Variants in CNTNAP3 observed in about 807,000 individuals in gnomAD.
The protein encoded by CNTNAP3 is contactin-associated protein-like 3.
CNTNAP3 carries 36 observed loss-of-function variants against 92.1 expected under a neutral mutation model. The ratio of observed to expected loss-of-function variants is 0.39; its 90% CI spans 0.30 to 0.52. The LOEUF (loss-of-function observed/expected upper bound fraction) is 0.52. CNTNAP3 is among the 20% of genes least tolerant of loss of function. CNTNAP3 has a pLI of 0.76. For missense variants in CNTNAP3, 534 were observed against 1,069.6 expected, an observed-to-expected ratio of 0.50 and a Z score of 6.98; for synonymous variants, 232 against 422.3, an observed-to-expected ratio of 0.55 and a Z score of 5.53.
chr9:39,109,061 C>A, intron 15 of CNTNAP3, 99 bp downstream of exon 15: 11 of 1,484,332 alleles, frequency 7.4e-6, no homozygotes, highest in Non-Finnish European at 9.9e-6. Context: ...CCTAGTACTG[C>A]CACTATTCTC....
Position 39,109,281 on chromosome 9 carries a change from A to G in CNTNAP3, c.2244T>C (p.Ser748=), listed in dbSNP as rs963465881. ...NCDAGRNEWT[S]DTIVLSQKEH... Reference sequence around the variant, plus strand: ...CCTTTTGGGAAAGGACTATTGTGTCACTAGTCCTAAAGAACAACAACCGAA... The same window carrying G: ...CCTTTTGGGAAAGGACTATTGTGTCGCTAGTCCTAAAGAACAACAACCGAA... The change falls in exon 15 of 24, where the codon AGT becomes AGC. Residue 748 remains serine, a synonymous_variant. Coordinates refer to ENST00000297668, the MANE Select transcript of CNTNAP3 (RefSeq NM_033655.5). 2 of 1,611,802 alleles carry G rather than the reference A, an allele frequency of 1.2e-6. No individual in the cohort carries two copies. Among genetic ancestry groups the G allele is most frequent in the South Asian group, 1.1e-5 (1 of 90,970 alleles).
At chr9:39,170,473 T>C (rs1822237822) in intron 8 of CNTNAP3, among the ~76,000 whole-genome samples, 1 of 105,240 alleles carries the variant, frequency 9.5e-6, no homozygotes, top group Non-Finnish European at 1.7e-5. Flanking sequence ...TTAGGCACAA[T>C]GTCAATTTAG....
At chr9:39,117,053 C>T (rs1181500984) in intron 14 of CNTNAP3, among the ~76,000 whole-genome samples, 3 of 151,878 alleles carry the variant, frequency 2.0e-5, no homozygotes, top group Admixed American at 1.3e-4. Context: ...AGTGCAGTGG[C>T]GCGATCTCGG....
chr9:39,174,436 T>C (rs777654949), intron 7 of CNTNAP3: 10 of 636,448 alleles, frequency 1.6e-5, no homozygotes, highest in Middle Eastern at 4.2e-4. Flanking sequence ...CAGCTGTTTT[T>C]CCCTTTTTCT....
At chr9:39,099,215 A>C (rs1484121433) in intron 18 of CNTNAP3, among the ~76,000 whole-genome samples, 3 of 152,016 alleles carry the variant, frequency 2.0e-5, no homozygotes, top group African/African-American at 7.2e-5. Flanking sequence ...TGGCCTCCCA[A>C]AGTGCTGGGA....
chr9:39,122,461 A>G (rs536263194), intron 13 of CNTNAP3, among the ~76,000 whole-genome samples: 1 of 152,360 alleles, frequency 6.6e-6, no homozygotes, highest in South Asian at 2.1e-4. Flanking sequence ...GTATAGTAAC[A>G]GGAGATTAAA....
intron 13 of CNTNAP3, among the ~76,000 whole-genome samples, chr9:39,120,246 GA>G (rs1471467523): frequency 6.6e-6 from 1 of 152,134 alleles, no homozygotes. Context: ...ACCCTAATTT[GA>G]ATGATAGTAG....
intron 10 of CNTNAP3, among the ~76,000 whole-genome samples, chr9:39,146,875 G>GT (rs774142420): frequency 6.6e-6 from 1 of 152,112 alleles, no homozygotes; most frequent in Non-Finnish European, 1.5e-5. Context: ...AGTAACATAT[G>GT]TTTCTACTTT....
At chr9:39,091,473 T>A (rs1446363913) in intron 18 of CNTNAP3, among the ~76,000 whole-genome samples, 1 of 152,130 alleles carries the variant, frequency 6.6e-6, no homozygotes, top group African/African-American at 2.4e-5. Flanking sequence ...TTCTGTCCTT[T>A]ATTCTAAGAT....
intron 14 of CNTNAP3, among the ~76,000 whole-genome samples, chr9:39,116,785 G>A (rs1458673598): frequency 6.6e-6 from 1 of 152,200 alleles, no homozygotes; most frequent in East Asian, 1.9e-4. Flanking sequence ...GAAAGCTCCA[G>A]TAGATTCAAG....
intron 15 of CNTNAP3, among the ~76,000 whole-genome samples, chr9:39,105,287 C>T (rs530716067): frequency 1.4e-4 from 22 of 152,170 alleles, no homozygotes; most frequent in Non-Finnish European, 3.1e-4. Context: ...ATTAGCCAGG[C>T]ATGGTGGTGG....
chr9:39,111,563 C>T (rs1391959167), intron 14 of CNTNAP3, among the ~76,000 whole-genome samples: 1 of 152,056 alleles, frequency 6.6e-6, no homozygotes, highest in Non-Finnish European at 1.5e-5. Flanking sequence ...GGTAGACAAG[C>T]TAGAAATATG....
intron 14 of CNTNAP3, among the ~76,000 whole-genome samples, chr9:39,112,875 T>G (rs1190119627): frequency 6.6e-6 from 1 of 152,160 alleles, no homozygotes; most frequent in Admixed American, 6.5e-5. Flanking sequence ...ATCTTAAAAA[T>G]TATCTTGCTT....
At chr9:39,094,208 T>TA (rs1826277629) in intron 18 of CNTNAP3, among the ~76,000 whole-genome samples, 4 of 151,628 alleles carry the variant, frequency 2.6e-5, no homozygotes. Context: ...TTTGTCCAAT[T>TA]AGACTTTTTG....
At position 39,070,162 on chromosome 9, in the gene CNTNAP3, TTAA is replaced by T. The variant is rs1443903029; in HGVS notation, c.*3725_*3727del. Among the ~76,000 whole-genome samples, 25 of 124,834 alleles carry T rather than the reference TTAA, an allele frequency of 2.0e-4. 1 individual carries two copies. In the Admixed American group the frequency reaches 2.0e-3, roughly 10 times the overall value. The allele number at this position is 124,834 out of a possible 152,430, so 81.9% of individuals were successfully genotyped here. On this transcript the variant is annotated 3_prime_UTR_variant, in exon 24 of 24. Coordinates refer to ENST00000297668, the MANE Select transcript of CNTNAP3 (RefSeq NM_033655.5). ...TGCCTTCCAGTTATACATGAAGAAATTAATGTTTTATTAAAGAAAAAAGCCATC... is the reference window on the plus strand; with the variant it reads ...TGCCTTCCAGTTATACATGAAGAAATTGTTTTATTAAAGAAAAAAGCCATC...
intron 13 of CNTNAP3, among the ~76,000 whole-genome samples, chr9:39,130,359 T>G (rs563463278): frequency 6.6e-6 from 1 of 151,874 alleles, no homozygotes; most frequent in Non-Finnish European, 1.5e-5. Flanking sequence ...CTAGAGAGGA[T>G]TACACAGAGT....
intron 14 of CNTNAP3, among the ~76,000 whole-genome samples, chr9:39,113,573 GGTTT>G (rs1322228072): frequency 1.3e-5 from 2 of 151,542 alleles, no homozygotes; most frequent in Non-Finnish European, 2.9e-5. Context: ...ATATCTGCCA[GGTTT>G]GTTTCTTTTC....
intron 13 of CNTNAP3, among the ~76,000 whole-genome samples, 179 bp downstream of exon 13, chr9:39,132,753 G>T (rs185838803): frequency 0.012 from 1,886 of 152,274 alleles, 42 homozygotes; most frequent in South Asian, 0.086. Context: ...CGGTCAGGAA[G>T]GCGCTCTTGA....
chr9:39,066,668 T>C lies in CNTNAP3; in HGVS notation c.*7222A>G. Among the ~76,000 whole-genome samples the C allele has an allele frequency of 6.6e-6, 1 of 152,304 alleles. No individual in the cohort carries two copies. Among genetic ancestry groups the C allele is most frequent in the Non-Finnish European group, 1.5e-5 (1 of 68,056 alleles). On this transcript the variant is annotated 3_prime_UTR_variant, in exon 24 of 24. Coordinates refer to ENST00000297668, the MANE Select transcript of CNTNAP3 (RefSeq NM_033655.5). ...GAGTTTTCTGCTTTTGGTTGGAAGA[T>C]GTTTCACTGGAAGCATGAAAGATGT...
Sources: gnomAD v4.1 joint callset for allele counts (sites outside exome capture counted in the v4.1 genomes callset) on GRCh38, gnomAD v4.1.1 for gene constraint, MANE v1.5 for transcripts, NCBI Gene and HGNC (gene_info 2026-07-23, HGNC 2026-07-21) for gene names.